Variants in GRM5 observed in about 807,000 individuals in gnomAD.
GRM5 encodes metabotropic glutamate receptor 5.
Under a neutral mutation model 83.1 loss-of-function variants are expected in GRM5, and 19 were observed. The observed-to-expected ratio is 0.23, with a 90% CI of 0.16 to 0.34. The LOEUF (loss-of-function observed/expected upper bound fraction) is 0.34, where lower values mean the gene tolerates loss of function less well. Ranked by LOEUF, GRM5 falls within the 10% of genes least tolerant of loss-of-function variation. The pLI is 1.00. For missense variants in GRM5, 1,160 were observed against 1,588.3 expected (o/e 0.73, Z 4.58); for synonymous variants, 675 against 633.6 (o/e 1.07, Z -0.98).
intron 2 of GRM5, among the ~76,000 whole-genome samples, chr11:89,034,219 G>C (rs146798953): frequency 2.0e-4 from 30 of 151,912 alleles, no homozygotes; most frequent in African/African-American, 6.7e-4. Context: ...TATTAATGGT[G>C]TGCAACTCAG....
At chr11:88,529,594 G>A (rs1245080896) in intron 8 of GRM5, among the ~76,000 whole-genome samples, 1 of 151,960 alleles carries the variant, frequency 6.6e-6, no homozygotes, top group Non-Finnish European at 1.5e-5. Context: ...AGATGTCATT[G>A]TGGAATCCTT....
chr11:89,035,887 C>G (rs1323595534), intron 2 of GRM5, among the ~76,000 whole-genome samples: 3 of 152,008 alleles, frequency 2.0e-5, no homozygotes, highest in Non-Finnish European at 2.9e-5. Context: ...TAAACTCAGG[C>G]CCATGGCATA....
intron 3 of GRM5, among the ~76,000 whole-genome samples, chr11:88,669,595 C>T (rs11020868): frequency 0.018 from 2,717 of 151,936 alleles, 64 homozygotes; most frequent in East Asian, 0.096. Context: ...TTACAAATAA[C>T]AAAGGAATTT....
intron 7 of GRM5, among the ~76,000 whole-genome samples, chr11:88,577,790 A>G (rs185967999): frequency 5.5e-4 from 84 of 152,276 alleles, no homozygotes; most frequent in Admixed American, 3.3e-3. Flanking sequence ...AGATATGCAG[A>G]GGAAAAAACT....
intron 2 of GRM5, among the ~76,000 whole-genome samples, chr11:88,975,358 C>A (rs954303051): frequency 1.3e-5 from 2 of 152,152 alleles, no homozygotes; most frequent in African/African-American, 2.4e-5. Context: ...TACATTAATG[C>A]TTCTCAAACT....
intron 4 of GRM5, among the ~76,000 whole-genome samples, chr11:88,621,411 A>G (rs982473700): frequency 6.6e-6 from 1 of 152,316 alleles, no homozygotes; most frequent in South Asian, 2.1e-4. Flanking sequence ...AGCCTTTCCC[A>G]GGTAGAATTG....
At chr11:88,525,130 C>T (rs921417892) in intron 9 of GRM5, among the ~76,000 whole-genome samples, 179 bp downstream of exon 9, 2 of 152,190 alleles carry the variant, frequency 1.3e-5, no homozygotes, top group South Asian at 4.1e-4. Flanking sequence ...CCCATTACTA[C>T]ACATGAGGGT....
At chr11:88,665,081 A>C (rs2135323153) in intron 3 of GRM5, among the ~76,000 whole-genome samples, 1 of 152,172 alleles carries the variant, frequency 6.6e-6, no homozygotes, top group Non-Finnish European at 1.5e-5. Flanking sequence ...AGAACAATGT[A>C]TTAAATGTGA....
intron 2 of GRM5, among the ~76,000 whole-genome samples, chr11:89,042,113 T>C (rs1475258794): frequency 6.6e-6 from 1 of 152,134 alleles, no homozygotes; most frequent in Non-Finnish European, 1.5e-5. Flanking sequence ...GGCATGATCT[T>C]GGCTCACTGC....
chr11:88,918,199 A>C (rs664731), intron 2 of GRM5, among the ~76,000 whole-genome samples: 80,197 of 151,580 alleles, frequency 0.53, 21,955 homozygotes, highest in South Asian at 0.67. Flanking sequence ...AAGGAAAAAA[A>C]AAAAACAAAA....
At chr11:88,909,322 A>G (rs1945455206) in intron 2 of GRM5, among the ~76,000 whole-genome samples, 1 of 152,072 alleles carries the variant, frequency 6.6e-6, no homozygotes, top group East Asian at 1.9e-4. Context: ...GTTCTTACTC[A>G]TATACTTCCT....
chr11:88,629,936 T>C (rs1938916262), intron 4 of GRM5, among the ~76,000 whole-genome samples: 1 of 152,194 alleles, frequency 6.6e-6, no homozygotes, highest in African/African-American at 2.4e-5. Context: ...TGTGACCTCT[T>C]TGACATTATC....
chr11:88,823,624 T>A (rs1299784216), intron 3 of GRM5, among the ~76,000 whole-genome samples: 1 of 152,132 alleles, frequency 6.6e-6, no homozygotes, highest in Non-Finnish European at 1.5e-5. Context: ...CTCTGGCTGA[T>A]CACCCATGTT....
At chr11:88,668,253 C>T (rs1940099687) in intron 3 of GRM5, among the ~76,000 whole-genome samples, 1 of 141,382 alleles carries the variant, frequency 7.1e-6, no homozygotes, top group Admixed American at 7.1e-5. Flanking sequence ...AATTTTATAT[C>T]TCTTAAATCA....
At chr11:88,900,017 G>T (rs182623651) in intron 2 of GRM5, among the ~76,000 whole-genome samples, 2 of 151,982 alleles carry the variant, frequency 1.3e-5, no homozygotes. Context: ...TATGGAGACC[G>T]TCTCATATTA....
chr11:88,779,205 A>C (rs1449141244), intron 3 of GRM5, among the ~76,000 whole-genome samples: 5 of 152,198 alleles, frequency 3.3e-5, no homozygotes, highest in Non-Finnish European at 7.3e-5. Flanking sequence ...TTCTGAACAC[A>C]TGAAGTTATT....
At chr11:88,675,801 G>A (rs1310528758) in intron 3 of GRM5, among the ~76,000 whole-genome samples, 1 of 152,030 alleles carries the variant, frequency 6.6e-6, no homozygotes, top group Non-Finnish European at 1.5e-5. Context: ...ACGTGTAATA[G>A]GCATTCTGTA....
chr11:88,677,074 T>C (rs1189203001), intron 3 of GRM5, among the ~76,000 whole-genome samples: 1 of 152,140 alleles, frequency 6.6e-6, no homozygotes, highest in Admixed American at 6.6e-5. Flanking sequence ...TCTACACTTC[T>C]TTGATGGGCC....
At chr11:88,692,553 T>C (rs1376055132) in intron 3 of GRM5, among the ~76,000 whole-genome samples, 1 of 152,216 alleles carries the variant, frequency 6.6e-6, no homozygotes, top group Non-Finnish European at 1.5e-5. Context: ...GTCTCTCATC[T>C]GTAAAGCTTA....
Sources: allele counts gnomAD v4.1 joint callset (sites outside exome capture counted in the v4.1 genomes callset), GRCh38; gene constraint gnomAD v4.1.1; transcripts MANE v1.5; gene names NCBI Gene and HGNC (gene_info 2026-07-23, HGNC 2026-07-21).